The following COL3A1 variants were observed in gnomAD, a reference collection of about 807,000 sequenced individuals.
COL3A1 encodes collagen alpha-1(III) chain.
COL3A1 carries 46 observed loss-of-function variants against 200.9 expected under a neutral mutation model. That is an observed-to-expected ratio of 0.23 (90% CI 0.18 to 0.29). The LOEUF (loss-of-function observed/expected upper bound fraction) is 0.29. COL3A1 is among the 10% of genes least tolerant of loss of function. The probability of loss-of-function intolerance (pLI) is 1.00; values close to 1 mark genes in which losing one functional copy is unlikely to be tolerated. For missense variants in COL3A1, 1,367 were observed against 1,917.6 expected, an observed-to-expected ratio of 0.71 and a Z score of 5.36; for synonymous variants, 650 against 628.0, an observed-to-expected ratio of 1.03 and a Z score of -0.52.
At chr2:188,999,761 A>C in intron 31 of COL3A1, 81 bp from the exon 32 acceptor site, 1 of 1,477,258 alleles carries the variant, frequency 6.8e-7, no homozygotes, top group South Asian at 1.2e-5. Context: ...TATCCCTACA[A>C]ATCCTGAGAG....
rs1688322682 is a variant in COL3A1 at position 188,996,496 on chromosome 2, T to C, written c.1761T>C (p.Asp587=). The C allele has an allele frequency of 6.2e-7, 1 of 1,610,542 alleles. No individual in the cohort carries two copies. The highest frequency in any genetic ancestry group is 8.5e-7 in the Non-Finnish European group (1 of 1,176,984). ...VMGFPGPKGN[D]GAPGKNGERG... is the part of the protein sequence containing the mutation. ...GCTTCCCCGGTCCTAAAGGAAATGA[T>C]GTGAGTTCCTTCATTAATTTCTTCA... is the stretch of plus-strand genomic sequence containing the variant. Residue 587 remains aspartate, a splice_region_variant and synonymous_variant, in exon 24 of 51, where the codon GAT becomes GAC. Transcript: ENST00000304636.
intron 5 of COL3A1, among the ~76,000 whole-genome samples, chr2:188,987,788 C>T (rs1465529603): frequency 1.3e-5 from 2 of 152,042 alleles, no homozygotes; most frequent in Admixed American, 1.3e-4. Flanking sequence ...CAGGGATTTT[C>T]ATAGCATTAT....
At chr2:189,002,460 C>G (rs1345430215) in intron 35 of COL3A1, 109 bp downstream of exon 35, 4 of 928,444 alleles carry the variant, frequency 4.3e-6, no homozygotes, top group Middle Eastern at 4.2e-4. Flanking sequence ...TTTAGCTGCT[C>G]ATTCCCTATA....
intron 13 of COL3A1, 55 bp downstream of exon 13, chr2:188,991,777 A>G (rs189622006): frequency 1.9e-4 from 302 of 1,575,778 alleles, no homozygotes; most frequent in Non-Finnish European, 2.4e-4. Context: ...AGATTTTTAC[A>G]GCCTCAGTAA....
At chr2:188,986,765 T>C (rs1364051021) in intron 4 of COL3A1, among the ~76,000 whole-genome samples, 1 of 152,060 alleles carries the variant, frequency 6.6e-6, no homozygotes, top group Admixed American at 6.6e-5. Context: ...ATGTAGCTAC[T>C]GCTTAGAAAT....
intron 1 of COL3A1, among the ~76,000 whole-genome samples, chr2:188,982,230 G>T (rs1687968701): frequency 6.6e-6 from 1 of 151,510 alleles, no homozygotes; most frequent in African/African-American, 2.4e-5. Flanking sequence ...ACTATAATAT[G>T]TTTCTAATAA....
chr2:188,999,732 A>T (rs980923588), intron 31 of COL3A1, 110 bp from the exon 32 acceptor site: 194 of 1,367,066 alleles, frequency 1.4e-4, no homozygotes, highest in Non-Finnish European at 1.9e-4. Flanking sequence ...AGCAACAATG[A>T]ATTAGAACAC....
intron 41 of COL3A1, among the ~76,000 whole-genome samples, 199 bp from the exon 42 acceptor site, chr2:189,006,007 T>C (rs1688577869): frequency 6.6e-6 from 1 of 152,098 alleles, no homozygotes; most frequent in African/African-American, 2.4e-5. Flanking sequence ...TCACCTCTCC[T>C]CCATGAATAC....
At chr2:189,006,489 A>G (rs767161640) in intron 43 of COL3A1, 37 bp downstream of exon 43, 2 of 1,585,058 alleles carry the variant, frequency 1.3e-6, no homozygotes, top group Non-Finnish European at 1.7e-6. Context: ...TTGTTTGTCT[A>G]TTTCCTTCAA....
intron 3 of COL3A1, 60 bp downstream of exon 3, chr2:188,985,307 T>G (rs1688043129): frequency 8.5e-6 from 12 of 1,408,480 alleles, no homozygotes; most frequent in Non-Finnish European, 1.0e-5. Flanking sequence ...AGTAAGAGTT[T>G]GCTTTTTCTA....
rs587779716 is a variant in COL3A1, at chr2:189,004,055, G to A, written c.2735G>A (p.Gly912Asp). Residue 912 changes from glycine to aspartate, a missense_variant, in exon 39 of 51, where the codon GGT becomes GAT. Around this residue, in one of 5 missense-constraint regions of COL3A1, gnomAD observed 846 missense variants for 1,147.9 expected, o/e 0.74. Transcript: ENST00000304636. Reference sequence around the variant, plus strand: ...CCCCCAGGTCCTGCGGGTAACACTGGTGCTCCTGGCAGCCCTGGAGTGTCT... The same window carrying A: ...CCCCCAGGTCCTGCGGGTAACACTGATGCTCCTGGCAGCCCTGGAGTGTCT... The part of the protein sequence containing the change: ...DGPPGPAGNT[G>D]APGSPGVSGP... 1 of 1,613,294 alleles carries A rather than the reference G, an allele frequency of 6.2e-7. No individual in the cohort carries two copies. The highest frequency in any genetic ancestry group is 8.5e-7 in the Non-Finnish European group (1 of 1,179,950).
At position 188,994,667 on chromosome 2, in the gene COL3A1, A is replaced by T; in HGVS notation, c.1348-57A>T. ...ATAATTAGAAAGTAAACAGGTAAAA[A>T]CTTTGAACTAAATTCAGTCATAATT... is the stretch of plus-strand genomic sequence containing the variant. On this transcript the variant is annotated intron_variant, in intron 19 of 50. Transcript: ENST00000304636. The surrounding 1 kb of genome is among the most constrained non-coding windows in gnomAD (Gnocchi z 4.5). The T allele has an allele frequency of 6.2e-7, 1 of 1,612,310 alleles. No homozygotes were observed. The highest frequency in any genetic ancestry group is 1.7e-5 in the Admixed American group (1 of 59,914).
chr2:188,989,987 A>G, intron 8 of COL3A1, 109 bp from the exon 9 acceptor site: 1 of 1,021,524 alleles, frequency 9.8e-7, no homozygotes, highest in Non-Finnish European at 1.5e-6. Flanking sequence ...TTGTGGAACC[A>G]TTTTAATGAG....
chr2:188,996,641 C>A (rs2153502705), intron 24 of COL3A1, 145 bp downstream of exon 24: 1 of 692,406 alleles, frequency 1.4e-6, no homozygotes, highest in South Asian at 1.8e-5. Flanking sequence ...AGGAAGGGAG[C>A]TAAATATATA....
intron 5 of COL3A1, 144 bp downstream of exon 5, chr2:188,987,283 G>T (rs1178202137): frequency 2.8e-6 from 2 of 711,464 alleles, no homozygotes; most frequent in Non-Finnish European, 5.1e-6. Flanking sequence ...AAAAGAAAAT[G>T]GTAGCATTAT....
In COL3A1 at chr2:189,011,977, TTTTA is replaced by T; in HGVS notation, c.*207_*210del. On this transcript the variant is annotated 3_prime_UTR_variant, in exon 51 of 51. Coordinates refer to ENST00000304636, the MANE Select transcript of COL3A1 (RefSeq NM_000090.4). ...CCAAATACAATTCAAATGCTTTTTG[TTTTA>T]TTTTTTTACCAATTCCAATTTCAAA... 2 of 606,510 alleles carry T rather than the reference TTTTA, an allele frequency of 3.3e-6. No individual in the cohort carries two copies. The highest frequency in any genetic ancestry group is 5.7e-6 in the Non-Finnish European group (2 of 350,542). The allele number at this position is 606,510 out of a possible 1,614,324, so 37.6% of individuals were successfully genotyped here. A position where few individuals can be genotyped will look rare whatever the true frequency, so the allele number is the denominator to read the frequency against.
chr2:189,009,527 T>C (rs542412270), intron 48 of COL3A1, among the ~76,000 whole-genome samples: 34 of 152,248 alleles, frequency 2.2e-4, no homozygotes, highest in African/African-American at 6.5e-4. Context: ...TATACATAAT[T>C]TGATGCAGAC....
rs148015311 is a variant in COL3A1, at chr2:189,011,679, G to A, written c.4306G>A (p.Ala1436Thr). ...KTVFEYRTRK[A>T]VRLPIVDIAP... ...AGTCTTTGAATATCGAACACGCAAGGCTGTGAGACTACCTATTGTAGATAT... is the reference window on the plus strand; with the variant it reads ...AGTCTTTGAATATCGAACACGCAAGACTGTGAGACTACCTATTGTAGATAT... The change falls in exon 51 of 51, where the codon GCT becomes ACT. Residue 1436 changes from alanine to threonine, a missense_variant. Transcript: ENST00000304636. 2 of 1,613,886 alleles carry A rather than the reference G, an allele frequency of 1.2e-6. No homozygotes were observed. Among genetic ancestry groups the A allele is most frequent in the African/African-American group, 1.3e-5 (1 of 74,916 alleles).
At chr2:188,975,648 T>C (rs1261169962) in intron 1 of COL3A1, among the ~76,000 whole-genome samples, 1 of 152,178 alleles carries the variant, frequency 6.6e-6, no homozygotes, top group East Asian at 1.9e-4. Context: ...ATATCAAATG[T>C]ATTTGTTGTC....
Sources: allele counts gnomAD v4.1 joint callset (sites outside exome capture counted in the v4.1 genomes callset), GRCh38; gene constraint gnomAD v4.1.1; regional missense constraint gnomAD v4.1.1; non-coding constraint Gnocchi (gnomAD v3.1); transcripts MANE v1.5; gene names NCBI Gene and HGNC (gene_info 2026-07-23, HGNC 2026-07-21).